Variants in KCNQ3 observed in about 807,000 individuals in gnomAD.
KCNQ3 encodes potassium voltage-gated channel subfamily KQT member 3.
KCNQ3 carries 30 observed loss-of-function variants against 92.5 expected under a neutral mutation model. That is an observed-to-expected ratio of 0.32 (90% confidence interval 0.24 to 0.44). The LOEUF is 0.44. Ranked by LOEUF, KCNQ3 falls within the 20% of genes least tolerant of loss-of-function variation. The pLI is 1.00. For synonymous variants in KCNQ3, 450 were observed against 468.8 expected (o/e 0.96, Z 0.52); for missense variants, 913 against 1,140.3 (o/e 0.80, Z 2.87).
At chr8:132,373,691 A>G (rs557646808) in intron 1 of KCNQ3, among the ~76,000 whole-genome samples, 1 of 152,222 alleles carries the variant, frequency 6.6e-6, no homozygotes, top group Non-Finnish European at 1.5e-5. Context: ...ATTGAAAGAA[A>G]TTAACAGGTC....
At chr8:132,311,023 C>T (rs1312467356) in intron 1 of KCNQ3, among the ~76,000 whole-genome samples, 1 of 151,790 alleles carries the variant, frequency 6.6e-6, no homozygotes, top group Non-Finnish European at 1.5e-5. Flanking sequence ...TCACTGCAAC[C>T]TCTCCTGGGT....
At chr8:132,252,219 T>C (rs2403740) in intron 1 of KCNQ3, among the ~76,000 whole-genome samples, 86,434 of 152,116 alleles carry the variant, frequency 0.57, 25,589 homozygotes, top group East Asian at 0.81. Context: ...AATGAAGCTG[T>C]GGACCCTCAT....
At chr8:132,241,219 T>A (rs1156264979) in intron 1 of KCNQ3, among the ~76,000 whole-genome samples, 1 of 151,950 alleles carries the variant, frequency 6.6e-6, no homozygotes, top group Non-Finnish European at 1.5e-5. Flanking sequence ...TTATAACCAT[T>A]TTACAGATGA....
At chr8:132,364,075 G>A (rs1269581056) in intron 1 of KCNQ3, among the ~76,000 whole-genome samples, 2 of 152,002 alleles carry the variant, frequency 1.3e-5, no homozygotes, top group African/African-American at 4.8e-5. Flanking sequence ...GTCCCCAAAT[G>A]CCATTAGTTT....
In KCNQ3 at chr8:132,264,991, A is replaced by C. The variant is rs1008756001; in HGVS notation, c.387-78810T>G. Among the ~76,000 whole-genome samples the C allele has an allele frequency of 2.0e-5, 3 of 152,328 alleles. No homozygotes were observed. In the South Asian group the frequency reaches 6.2e-4, roughly 32 times the overall value. On this transcript the variant is annotated intron_variant, in intron 1 of 14. Transcript: ENST00000388996. ...AGGCTTGGGTTTAGACAGACCTGTG[A>C]GTTGTGTGACCTTGGGCAAGCCACT...
rs958443658 is a variant in KCNQ3, at chr8:132,140,343, A to G, written c.1466-165T>C. On this transcript the variant is annotated intron_variant, in intron 10 of 14. Coordinates refer to ENST00000388996, the MANE Select transcript of KCNQ3 (RefSeq NM_004519.4). ...GTATTCTCAAGCTGTGATGCTGTTC[A>G]GCCTTTCTTGGCACCCTCATTCTAT... The G allele has an allele frequency of 2.7e-5, 16 of 592,484 alleles. No individual in the cohort carries two copies. The South Asian group carries it at 3.1e-4, about 11-fold the overall frequency. The allele number at this position is 592,484 out of a possible 1,614,324, so 36.7% of individuals were successfully genotyped here.
At chr8:132,479,943 AGCG>A (rs1822505434) in intron 1 of KCNQ3, among the ~76,000 whole-genome samples, 1 of 128,282 alleles carries the variant, frequency 7.8e-6, no homozygotes, top group Admixed American at 8.1e-5. Context: ...ACACCCGGAG[AGCG>A]GCAACACACA....
chr8:132,436,355 C>T (rs1013734503), intron 1 of KCNQ3, among the ~76,000 whole-genome samples: 4 of 152,210 alleles, frequency 2.6e-5, no homozygotes, highest in East Asian at 1.9e-4. Flanking sequence ...ATCACCATCA[C>T]TAATAAACAT....
intron 1 of KCNQ3, among the ~76,000 whole-genome samples, chr8:132,370,107 G>A (rs1007081848): frequency 2.6e-5 from 4 of 152,096 alleles, no homozygotes; most frequent in Non-Finnish European, 5.9e-5. Context: ...CACCTCCTCT[G>A]CCTATTCATG....
chr8:132,400,269 C>T (rs766892689), intron 1 of KCNQ3, among the ~76,000 whole-genome samples: 4 of 152,216 alleles, frequency 2.6e-5, no homozygotes, highest in African/African-American at 9.6e-5. Context: ...ATCCTATCCA[C>T]TTCTAACATT....
chr8:132,197,503 G>C (rs1412662045), intron 1 of KCNQ3, among the ~76,000 whole-genome samples: 1 of 152,196 alleles, frequency 6.6e-6, no homozygotes, highest in East Asian at 1.9e-4. Context: ...CAAGCCATTA[G>C]CTAGGAACTT....
intron 1 of KCNQ3, among the ~76,000 whole-genome samples, chr8:132,382,457 C>T (rs73708437): frequency 0.031 from 4,705 of 152,240 alleles, 203 homozygotes; most frequent in African/African-American, 0.1. Flanking sequence ...GAGGCTTCAC[C>T]GAAGCCAAGC....
At chr8:132,244,878 T>C (rs1419628795) in intron 1 of KCNQ3, among the ~76,000 whole-genome samples, 1 of 150,298 alleles carries the variant, frequency 6.7e-6, no homozygotes, top group Non-Finnish European at 1.5e-5. Flanking sequence ...AGAAGCACAG[T>C]TTTTATTATA....
At chr8:132,154,192 A>ACTTTTTTTTTTTTT (rs1563775830) in intron 9 of KCNQ3, among the ~76,000 whole-genome samples, 1 of 104,472 alleles carries the variant, frequency 9.6e-6, no homozygotes, top group Admixed American at 1.1e-4. Flanking sequence ...AAAGGGTAAA[A>ACTTTTTTTTTTTTT]GTTTTTTTTT....
At chr8:132,478,494 A>G (rs1346353956) in intron 1 of KCNQ3, among the ~76,000 whole-genome samples, 2 of 152,214 alleles carry the variant, frequency 1.3e-5, no homozygotes, top group South Asian at 2.1e-4. Context: ...CTTCAATTTA[A>G]CTAAACATAT....
chr8:132,180,878 C>T (rs1055568921), intron 3 of KCNQ3, among the ~76,000 whole-genome samples: 7 of 150,586 alleles, frequency 4.6e-5, no homozygotes, highest in African/African-American at 1.7e-4. Context: ...ATCAAGGCCA[C>T]TGTTGAGTCC....
At chr8:132,323,834 T>TA (rs1015187225) in intron 1 of KCNQ3, among the ~76,000 whole-genome samples, 1 of 151,944 alleles carries the variant, frequency 6.6e-6, no homozygotes, top group African/African-American at 2.4e-5. Context: ...GAAGTAGTCT[T>TA]AAAAAAAACA....
At chr8:132,346,351 G>A (rs930930694) in intron 1 of KCNQ3, among the ~76,000 whole-genome samples, 1 of 152,170 alleles carries the variant, frequency 6.6e-6, no homozygotes, top group Non-Finnish European at 1.5e-5. Context: ...CTCTGCTCAT[G>A]CAAGTGCCAC....
intron 1 of KCNQ3, among the ~76,000 whole-genome samples, chr8:132,191,432 A>G (rs1586817429): frequency 6.6e-6 from 1 of 152,130 alleles, no homozygotes; most frequent in East Asian, 1.9e-4. Flanking sequence ...TATGGAGATC[A>G]GAGACATGAG....
Sources: allele counts gnomAD v4.1 joint callset (sites outside exome capture counted in the v4.1 genomes callset), GRCh38; gene constraint gnomAD v4.1.1; transcripts MANE v1.5; gene names NCBI Gene and HGNC (gene_info 2026-07-23, HGNC 2026-07-21).